Variants in ARHGAP15 observed in about 807,000 individuals in gnomAD.
The protein encoded by ARHGAP15 is rho GTPase-activating protein 15.
ARHGAP15 carries 51 observed loss-of-function variants against 63.7 expected under a neutral mutation model. The observed-to-expected ratio is 0.80, with a 90% CI of 0.64 to 1.01. ARHGAP15 has a LOEUF of 1.01. Ranked by LOEUF, ARHGAP15 falls within the 50% of genes least tolerant of loss-of-function variation. ARHGAP15 has a pLI of 0.00. For synonymous variants in ARHGAP15, 191 were observed against 193.8 expected, an observed-to-expected ratio of 0.99 and a Z score of 0.12; for missense variants, 560 against 564.6, an observed-to-expected ratio of 0.99 and a Z score of 0.08.
chr2:143,297,477 TGTC>T (rs1224408405), intron 6 of ARHGAP15, among the ~76,000 whole-genome samples: 3 of 152,126 alleles, frequency 2.0e-5, no homozygotes, highest in African/African-American at 7.2e-5. Flanking sequence ...TTTTGCCTGT[TGTC>T]TGGTCATGGT....
chr2:143,392,397 T>A (rs1440868715), intron 6 of ARHGAP15, among the ~76,000 whole-genome samples: 1 of 152,208 alleles, frequency 6.6e-6, no homozygotes, highest in African/African-American at 2.4e-5. Context: ...GTATTGAAAT[T>A]ATATCTTCTG....
chr2:143,541,597 T>A (rs989128812), intron 10 of ARHGAP15, among the ~76,000 whole-genome samples: 4 of 152,344 alleles, frequency 2.6e-5, no homozygotes, highest in Admixed American at 1.3e-4. Context: ...CTTCTAACAG[T>A]CAGGACCCTC....
chr2:143,749,906 CT>C (rs1412482454), intron 13 of ARHGAP15, among the ~76,000 whole-genome samples: 1 of 152,106 alleles, frequency 6.6e-6, no homozygotes, highest in African/African-American at 2.4e-5. Flanking sequence ...ACTGTGTAAC[CT>C]TTGGACAGAT....
chr2:143,731,257 A>G (rs1186459751), intron 13 of ARHGAP15, among the ~76,000 whole-genome samples: 1 of 152,168 alleles, frequency 6.6e-6, no homozygotes, highest in African/African-American at 2.4e-5. Flanking sequence ...TTGAGCTCCA[A>G]CTGACTAATT....
intron 13 of ARHGAP15, among the ~76,000 whole-genome samples, chr2:143,708,744 CCTCCT>C (rs1017065550): frequency 6.6e-6 from 1 of 152,086 alleles, no homozygotes; most frequent in Admixed American, 6.6e-5. Context: ...TTATGAAGAG[CCTCCT>C]CTGTTAGAAG....
intron 12 of ARHGAP15, among the ~76,000 whole-genome samples, chr2:143,638,687 TA>T (rs201447356): frequency 0.21 from 27,748 of 132,188 alleles, 2,834 homozygotes; most frequent in South Asian, 0.26. Context: ...AAAAAAATAT[TA>T]AAAAAAAAAA....
chr2:143,304,989 G>A (rs1216466638), intron 6 of ARHGAP15, among the ~76,000 whole-genome samples: 1 of 151,990 alleles, frequency 6.6e-6, no homozygotes, highest in African/African-American at 2.4e-5. Flanking sequence ...TATACCCAAA[G>A]GATTATAAAT....
intron 11 of ARHGAP15, among the ~76,000 whole-genome samples, chr2:143,578,058 TA>T (rs1440187322): frequency 2.0e-5 from 3 of 152,152 alleles, no homozygotes; most frequent in Non-Finnish European, 4.4e-5. Flanking sequence ...GGGAACTTTT[TA>T]AAAATATTCA....
intron 12 of ARHGAP15, among the ~76,000 whole-genome samples, chr2:143,679,732 G>A (rs1683012560): frequency 1.3e-5 from 2 of 151,908 alleles, no homozygotes; most frequent in African/African-American, 4.8e-5. Context: ...CGTGGTTCCT[G>A]TGCTTTCGTC....
chr2:143,389,445 A>T (rs1267491258), intron 6 of ARHGAP15, among the ~76,000 whole-genome samples: 1 of 152,188 alleles, frequency 6.6e-6, no homozygotes, highest in Non-Finnish European at 1.5e-5. Flanking sequence ...AATCACAATA[A>T]ATGTTTCATA....
intron 13 of ARHGAP15, among the ~76,000 whole-genome samples, chr2:143,736,953 C>T (rs183660160): frequency 6.6e-6 from 1 of 152,346 alleles, no homozygotes; most frequent in African/African-American, 2.4e-5. Context: ...ATATTTTTCT[C>T]TCCAAAGAAA....
intron 1 of ARHGAP15, among the ~76,000 whole-genome samples, chr2:143,144,886 T>C (rs1210134564): frequency 3.3e-5 from 5 of 152,010 alleles, no homozygotes; most frequent in Non-Finnish European, 5.9e-5. Context: ...TTCACAATAA[T>C]GCGCGTATAA....
At chr2:143,385,414 G>A (rs1687237978) in intron 6 of ARHGAP15, among the ~76,000 whole-genome samples, 1 of 151,974 alleles carries the variant, frequency 6.6e-6, no homozygotes, top group South Asian at 2.1e-4. Flanking sequence ...TATTTCAACA[G>A]AATAATAGCT....
chr2:143,194,443 G>A (rs138199806), intron 2 of ARHGAP15, among the ~76,000 whole-genome samples: 182 of 152,218 alleles, frequency 1.2e-3, no homozygotes, highest in African/African-American at 4.2e-3. Context: ...ATTATATAAT[G>A]TCTTAGATCT....
At position 143,458,963 on chromosome 2, in the gene ARHGAP15, A is replaced by G. The variant is rs149174107; in HGVS notation, c.703+21921A>G. ...ACTAATTTTTTTTCTTCTTAATTTA[A>G]GCAACTGACTAGAACTTCTTTAGTC... On this transcript the variant is annotated intron_variant, in intron 8 of 13. Transcript: ENST00000295095. 3.5e-4 allele frequency among the ~76,000 whole-genome samples: 53 copies of G among 152,294 alleles called. No individual in the cohort carries two copies. In the East Asian group the frequency reaches 3.9e-3, roughly 11 times the overall value.
chr2:143,146,636 C>T (rs1323787043), intron 1 of ARHGAP15, among the ~76,000 whole-genome samples: 1 of 152,004 alleles, frequency 6.6e-6, no homozygotes, highest in Non-Finnish European at 1.5e-5. Context: ...TACACACAAG[C>T]TATTTAAAAT....
At chr2:143,164,546 G>A (rs989728145) in intron 2 of ARHGAP15, among the ~76,000 whole-genome samples, 3 of 151,942 alleles carry the variant, frequency 2.0e-5, no homozygotes, top group Admixed American at 6.6e-5. Context: ...AGGACATATA[G>A]TTGTCATATG....
rs893881998 is a variant in ARHGAP15, at chr2:143,393,729, A to T, written c.475-41872A>T. 4.2e-3 allele frequency among the ~76,000 whole-genome samples: 331 copies of T among 78,140 alleles called. 4 individuals are homozygous for T. The highest frequency in any genetic ancestry group is 0.019 in the African/African-American group (216 of 11,092). The allele number at this position is 78,140 out of a possible 152,430, so 51.3% of individuals were successfully genotyped here. A position where few individuals can be genotyped will look rare whatever the true frequency, so the allele number is the denominator to read the frequency against. On this transcript the variant is annotated intron_variant, in intron 6 of 13. Coordinates refer to ENST00000295095, the MANE Select transcript of ARHGAP15 (RefSeq NM_018460.4). ...GGTGACAGAGCGAGACTCTGTCTAA[A>T]AAAAAAAAAAAAAAAAAAAAAAAAA...
chr2:143,221,192 A>G (rs1692982720), intron 4 of ARHGAP15, among the ~76,000 whole-genome samples: 1 of 152,088 alleles, frequency 6.6e-6, no homozygotes, highest in Admixed American at 6.6e-5. Flanking sequence ...TCCATAATAG[A>G]TCATCATACC....
Sources: gnomAD v4.1 joint callset for allele counts (sites outside exome capture counted in the v4.1 genomes callset) on GRCh38, gnomAD v4.1.1 for gene constraint, MANE v1.5 for transcripts, NCBI Gene and HGNC (gene_info 2026-07-23, HGNC 2026-07-21) for gene names.